The following HDAC4 variants were observed in gnomAD, a reference collection of about 807,000 sequenced individuals.
HDAC4 encodes the protein histone deacetylase A.
A neutral mutation model predicts 135.1 loss-of-function variants in HDAC4; 16 were observed. The observed-to-expected ratio is 0.12, with a 90% CI of 0.08 to 0.18. The LOEUF (loss-of-function observed/expected upper bound fraction) is 0.18. HDAC4 is among the 10% of genes least tolerant of loss of function. The pLI, the probability that HDAC4 is intolerant of heterozygous loss-of-function variation, is 1.00. For missense variants in HDAC4, 1,143 were observed against 1,511.8 expected (o/e 0.76, Z 4.05); for synonymous variants, 685 against 653.4 (o/e 1.05, Z -0.74).
intron 3 of HDAC4, among the ~76,000 whole-genome samples, chr2:239,199,286 AC>A (rs1353892940): frequency 6.6e-6 from 1 of 151,862 alleles, no homozygotes; most frequent in Non-Finnish European, 1.5e-5. Context: ...CCTAAGGCGA[AC>A]CCCTGCTCTC....
rs2039079573 is a variant in HDAC4, at chr2:239,115,825, C to T, written c.1534-515G>A. Among the ~76,000 whole-genome samples, 1 of 151,944 alleles carries T rather than the reference C, an allele frequency of 6.6e-6. No individual in the cohort carries two copies. Among genetic ancestry groups the T allele is most frequent in the Admixed American group, 6.6e-5 (1 of 15,254 alleles). On this transcript the variant is annotated intron_variant, in intron 12 of 26. Coordinates refer to ENST00000543185, the MANE Select transcript of HDAC4 (RefSeq NM_001378414.1). This position sits in a 1 kb window ranked among gnomAD's most constrained non-coding sequence, Gnocchi z 6.3. ...GCAGGATCCCACCGATGTGCCATGA[C>T]CTCCCTCCTGCCGGATCCTGGGAAC...
intron 6 of HDAC4, chr2:239,162,006 C>A (rs2042826861): frequency 2.4e-6 from 1 of 411,648 alleles, no homozygotes; most frequent in South Asian, 1.8e-5. Flanking sequence ...TGGCCTCGGC[C>A]CCCCGTCCAC....
chr2:239,382,298 T>C (rs1695476729), intron 1 of HDAC4, among the ~76,000 whole-genome samples: 1 of 152,268 alleles, frequency 6.6e-6, no homozygotes, highest in Non-Finnish European at 1.5e-5. Flanking sequence ...GCCTGTCTTT[T>C]ATTATCAAAG....
intron 2 of HDAC4, among the ~76,000 whole-genome samples, chr2:239,300,533 A>T (rs901387761): frequency 2.0e-5 from 3 of 152,132 alleles, no homozygotes; most frequent in Admixed American, 2.0e-4. Flanking sequence ...TCTTCTTTAT[A>T]AAGCCCTCTT....
At chr2:239,095,507 C>G (rs1244996581) in intron 16 of HDAC4, among the ~76,000 whole-genome samples, 1 of 152,148 alleles carries the variant, frequency 6.6e-6, no homozygotes, top group East Asian at 1.9e-4. Flanking sequence ...GGGGCAAGTC[C>G]CGGGATTAAA....
intron 3 of HDAC4, among the ~76,000 whole-genome samples, chr2:239,234,831 T>C (rs2047790797): frequency 6.6e-6 from 1 of 152,138 alleles, no homozygotes; most frequent in East Asian, 1.9e-4. Context: ...AAGCCCACCT[T>C]TTTTGGTTCA....
intron 12 of HDAC4, among the ~76,000 whole-genome samples, chr2:239,124,195 TTTG>T (rs1198171138): frequency 2.0e-5 from 3 of 152,160 alleles, no homozygotes; most frequent in African/African-American, 7.2e-5. Flanking sequence ...AATGATATCA[TTTG>T]TTGTTTTTAG....
intron 3 of HDAC4, among the ~76,000 whole-genome samples, chr2:239,208,959 C>T (rs570110229): frequency 2.0e-4 from 31 of 152,328 alleles, no homozygotes; most frequent in African/African-American, 5.3e-4. Flanking sequence ...CATGGCTCAT[C>T]GCAGTCTCCA....
At chr2:239,361,288 C>A (rs1172694681) in intron 1 of HDAC4, among the ~76,000 whole-genome samples, 1 of 152,132 alleles carries the variant, frequency 6.6e-6, no homozygotes, top group African/African-American at 2.4e-5. Flanking sequence ...TCACAGGGGG[C>A]TGAAGTTGAA....
intron 6 of HDAC4, among the ~76,000 whole-genome samples, chr2:239,158,564 A>T (rs1263497467): frequency 6.6e-6 from 1 of 152,110 alleles, no homozygotes; most frequent in Non-Finnish European, 1.5e-5. Flanking sequence ...TAAAACGAGC[A>T]GAGCAGCAGG....
chr2:239,080,488 C>T lies in HDAC4; in HGVS notation c.2750+607G>A, dbSNP rs1009682592. 5.9e-5 allele frequency among the ~76,000 whole-genome samples: 9 copies of T among 152,326 alleles called. No homozygotes were observed. The East Asian group carries it at 9.6e-4, about 16-fold the overall frequency. ...TTTAAAACGATGACAAGAAAACCTG[C>T]GCTGCTCAGCATCCCATTTTGGGTC... On this transcript the variant is annotated intron_variant, in intron 22 of 26. Coordinates refer to ENST00000543185, the MANE Select transcript of HDAC4 (RefSeq NM_001378414.1).
chr2:239,250,692 G>A lies in HDAC4; in HGVS notation c.23-14028C>T, dbSNP rs373263490. ...CGTCTTGGCCTCTCCAAGGAGAAGG[G>A]GCCAGAAGAGGCACTTCCTCCCTGG... On this transcript the variant is annotated intron_variant, in intron 2 of 26. Coordinates refer to ENST00000543185, the MANE Select transcript of HDAC4 (RefSeq NM_001378414.1). Among the ~76,000 whole-genome samples, 9 of 152,334 alleles carry A rather than the reference G, an allele frequency of 5.9e-5. No individual in the cohort carries two copies. In the East Asian group the frequency reaches 1.7e-3, roughly 29 times the overall value.
At chr2:239,321,942 AG>A (rs1316255428) in intron 2 of HDAC4, among the ~76,000 whole-genome samples, 1 of 152,232 alleles carries the variant, frequency 6.6e-6, no homozygotes, top group Non-Finnish European at 1.5e-5. Context: ...ACACAAACAA[AG>A]CAATGAAAGA....
chr2:239,253,100 T>C (rs12151594), intron 2 of HDAC4, among the ~76,000 whole-genome samples: 22,941 of 152,276 alleles, frequency 0.15, 1,926 homozygotes, highest in African/African-American at 0.2. Context: ...CATATTTTCA[T>C]CTTCTCCTAA....
At chr2:239,120,854 T>C (rs1559468228) in intron 12 of HDAC4, among the ~76,000 whole-genome samples, 1 of 149,110 alleles carries the variant, frequency 6.7e-6, no homozygotes, top group Non-Finnish European at 1.5e-5. Context: ...AGGGGAGGGG[T>C]TCCTGCAGCA....
intron 16 of HDAC4, among the ~76,000 whole-genome samples, chr2:239,096,283 G>A (rs1250695491): frequency 2.0e-5 from 3 of 151,954 alleles, no homozygotes; most frequent in Admixed American, 6.6e-5. Flanking sequence ...TGGCACAGAC[G>A]AGAAGCTAAA....
intron 4 of HDAC4, among the ~76,000 whole-genome samples, chr2:239,178,055 C>T (rs1403666236): frequency 6.6e-6 from 1 of 152,242 alleles, no homozygotes; most frequent in Non-Finnish European, 1.5e-5. Flanking sequence ...CTCTCGTTCG[C>T]ATGCTCCAGG....
rs2030348993 is a variant in HDAC4 at position 239,048,674 on chromosome 2, A to G, written c.*4423T>C. Reference sequence around the variant, plus strand: ...CACACGGCAAAAAAAACAAACAAAAACTGTTCGCTTTCTTTTTCTTTCAAT... The same window carrying G: ...CACACGGCAAAAAAAACAAACAAAAGCTGTTCGCTTTCTTTTTCTTTCAAT... On this transcript the variant is annotated 3_prime_UTR_variant, in exon 27 of 27. Coordinates refer to ENST00000543185, the MANE Select transcript of HDAC4 (RefSeq NM_001378414.1). The G allele has an allele frequency of 1.3e-5, 2 of 152,286 alleles. No individual in the cohort carries two copies. The highest frequency in any genetic ancestry group is 6.5e-5 in the Admixed American group (1 of 15,298). 9.4% of individuals were successfully genotyped at this position (152,286 alleles called of 1,614,324 possible).
chr2:239,090,529 A>C (rs1457690312), intron 17 of HDAC4, among the ~76,000 whole-genome samples: 1 of 151,018 alleles, frequency 6.6e-6, no homozygotes, highest in Non-Finnish European at 1.5e-5. Context: ...ATACTACAAA[A>C]GCATTTTGTA....
Sources: gnomAD v4.1 joint callset for allele counts (sites outside exome capture counted in the v4.1 genomes callset) on GRCh38, gnomAD v4.1.1 for gene constraint, Gnocchi (gnomAD v3.1) non-coding constraint, MANE v1.5 for transcripts, NCBI Gene and HGNC (gene_info 2026-07-23, HGNC 2026-07-21) for gene names.